ADAMTS17: variants seen among roughly 807,000 people sequenced by gnomAD.
The protein encoded by ADAMTS17 is ADAM metallopeptidase with thrombospondin type 1 motif 17.
ADAMTS17 carries 113 observed loss-of-function variants against 141.5 expected under a neutral mutation model. That is an observed-to-expected ratio of 0.80 (90% CI 0.69 to 0.93). The LOEUF (loss-of-function observed/expected upper bound fraction) is 0.93, where lower values mean the gene tolerates loss of function less well. Ranked by LOEUF, ADAMTS17 falls within the 40% of genes least tolerant of loss-of-function variation. ADAMTS17 has a pLI of 0.00. For missense variants in ADAMTS17, 1,659 were observed against 1,517.9 expected, an observed-to-expected ratio of 1.09 and a Z score of -1.54; for synonymous variants, 768 against 630.6, an observed-to-expected ratio of 1.22 and a Z score of -3.27.
At chr15:100,077,516 T>G (rs1163722899) in intron 15 of ADAMTS17, among the ~76,000 whole-genome samples, 1 of 149,164 alleles carries the variant, frequency 6.7e-6, no homozygotes, top group African/African-American at 2.5e-5. Context: ...AGGAGCAAAA[T>G]CCACAAGATC....
chr15:99,977,246 G>T (rs1013141142), intron 20 of ADAMTS17, among the ~76,000 whole-genome samples: 1 of 149,972 alleles, frequency 6.7e-6, no homozygotes, highest in Non-Finnish European at 1.5e-5. Flanking sequence ...AGGAGGTGCC[G>T]TGTTTGCTAA....
chr15:100,180,976 G>A (rs1418547703), intron 8 of ADAMTS17, among the ~76,000 whole-genome samples: 3 of 152,196 alleles, frequency 2.0e-5, no homozygotes, highest in Non-Finnish European at 4.4e-5. Context: ...CAAAACCTTA[G>A]AAATCTACCT....
chr15:100,311,668 T>G (rs1016657239), intron 3 of ADAMTS17, among the ~76,000 whole-genome samples: 1 of 152,154 alleles, frequency 6.6e-6, no homozygotes. Flanking sequence ...CAGACACATA[T>G]GCGCACACAC....
intron 10 of ADAMTS17, among the ~76,000 whole-genome samples, chr15:100,141,834 T>C (rs1219830552): frequency 6.6e-6 from 1 of 152,218 alleles, no homozygotes; most frequent in Non-Finnish European, 1.5e-5. Flanking sequence ...CCAACGGCTC[T>C]GAGAGGCTGC....
chr15:100,004,517 C>A (rs2060997412), intron 18 of ADAMTS17, among the ~76,000 whole-genome samples: 1 of 152,018 alleles, frequency 6.6e-6, no homozygotes, highest in African/African-American at 2.4e-5. Context: ...CATTGTAAGC[C>A]CTATTTTTTT....
In ADAMTS17 at chr15:99,997,420, A is replaced by G; in HGVS notation, c.2761T>C (p.Cys921Arg). Reference protein sequence around the residue: ...AAVQSCEGQDCLSIWEASEWS... With the variant: ...AAVQSCEGQDRLSIWEASEWS... The stretch of plus-strand genomic sequence containing the variant: ...TCAGACGCCTCCCAGATGGACAGGC[A>G]GTCCTGGCCTTCACAGCTCTGCACT... The change falls in exon 19 of 22, where the codon TGC (cysteine) becomes CGC (arginine). Residue 921 changes from cysteine (C) to arginine (R), a missense_variant. Transcript: ENST00000268070. This position sits in a 1 kb window ranked among gnomAD's most constrained non-coding sequence, Gnocchi z 4.7. 1 of 1,613,770 alleles carries G rather than the reference A, an allele frequency of 6.2e-7. No homozygotes were observed. Among genetic ancestry groups the G allele is most frequent in the Non-Finnish European group, 8.5e-7 (1 of 1,179,996 alleles).
At chr15:100,291,508 T>C (rs962972715) in intron 3 of ADAMTS17, among the ~76,000 whole-genome samples, 5 of 152,164 alleles carry the variant, frequency 3.3e-5, no homozygotes, top group Non-Finnish European at 5.9e-5. Context: ...CCCAAAGGAA[T>C]ATAAATCATT....
chr15:100,255,356 T>G (rs1038523932), intron 6 of ADAMTS17, among the ~76,000 whole-genome samples: 3 of 152,062 alleles, frequency 2.0e-5, no homozygotes, highest in Non-Finnish European at 2.9e-5. Flanking sequence ...ACGCTTGAGA[T>G]CCACACTTTT....
At position 99,974,273 on chromosome 15, in the gene ADAMTS17, A is replaced by T; in HGVS notation, c.*129T>A. ...AGCACTAATGGCAAACGCCAAGTCCACGCTCATGTTCTATGTAGTTGGATT... is the reference window on the plus strand; with the variant it reads ...AGCACTAATGGCAAACGCCAAGTCCTCGCTCATGTTCTATGTAGTTGGATT... On this transcript the variant is annotated 3_prime_UTR_variant, in exon 22 of 22. Coordinates refer to ENST00000268070, the MANE Select transcript of ADAMTS17 (RefSeq NM_139057.4). 1 of 1,229,690 alleles carries T rather than the reference A, an allele frequency of 8.1e-7. No individual in the cohort carries two copies. Among genetic ancestry groups the T allele is most frequent in the Middle Eastern group, 2.6e-4 (1 of 3,814 alleles). 76.2% of individuals were successfully genotyped at this position (1,229,690 alleles called of 1,614,324 possible).
chr15:100,338,595 AT>A (rs2046274537), intron 2 of ADAMTS17, among the ~76,000 whole-genome samples: 1 of 150,868 alleles, frequency 6.6e-6, no homozygotes, highest in East Asian at 2.0e-4. Context: ...AGCCTAAACT[AT>A]TTATTTTCTG....
rs1200827430 is a variant in ADAMTS17, at chr15:100,155,332, G to A, written c.1182-12C>T. The A allele has an allele frequency of 6.2e-7, 1 of 1,611,942 alleles. No individual in the cohort carries two copies. Among genetic ancestry groups the A allele is most frequent in the African/African-American group, 1.3e-5 (1 of 74,916 alleles). ...GGTTCATGCCCAAGCTGTCCAAGAA[G>A]GAGGAGAGAGGGATGCTTATGCTAC... On this transcript the variant is annotated splice_polypyrimidine_tract_variant and intron_variant, in intron 8 of 21. Coordinates refer to ENST00000268070, the MANE Select transcript of ADAMTS17 (RefSeq NM_139057.4).
At chr15:100,002,058 G>T (rs990134775) in intron 18 of ADAMTS17, among the ~76,000 whole-genome samples, 4 of 134,756 alleles carry the variant, frequency 3.0e-5, no homozygotes, top group Non-Finnish European at 6.3e-5. Flanking sequence ...TTCTAAAATA[G>T]AGACTCTGAC....
At chr15:100,069,037 G>T (rs572425154) in intron 15 of ADAMTS17, among the ~76,000 whole-genome samples, 1 of 152,306 alleles carries the variant, frequency 6.6e-6, no homozygotes. Context: ...CCAATGCAGA[G>T]AAGTCCTTAA....
Position 100,067,561 on chromosome 15 carries a change from A to T in ADAMTS17, c.2138-13507T>A, listed in dbSNP as rs558796479. 2.6e-5 allele frequency among the ~76,000 whole-genome samples: 4 copies of T among 151,040 alleles called. No individual in the cohort carries two copies. The East Asian group carries it at 7.7e-4, about 29-fold the overall frequency. On this transcript the variant is annotated intron_variant, in intron 15 of 21. Transcript: ENST00000268070. ...GGACACAAAGCTATATTATTAGTAC[A>T]CATTTTTTTTTTCTGATCTATTTGG...
intron 15 of ADAMTS17, among the ~76,000 whole-genome samples, chr15:100,084,587 A>G (rs771893752): frequency 2.6e-5 from 4 of 151,934 alleles, no homozygotes; most frequent in Non-Finnish European, 4.4e-5. Flanking sequence ...AATGGGAGGC[A>G]CCCCCCTGTA....
chr15:100,203,366 A>G (rs1262710181), intron 7 of ADAMTS17, among the ~76,000 whole-genome samples: 1 of 152,118 alleles, frequency 6.6e-6, no homozygotes, highest in Non-Finnish European at 1.5e-5. Context: ...TGAGGTCAGG[A>G]GTTCAAGACC....
intron 7 of ADAMTS17, among the ~76,000 whole-genome samples, chr15:100,207,730 A>G (rs2041632151): frequency 6.6e-6 from 1 of 152,204 alleles, no homozygotes; most frequent in African/African-American, 2.4e-5. Context: ...GAGAAGTGCC[A>G]TCCCTCAGTC....
At chr15:100,019,767 T>C (rs2727107) in intron 18 of ADAMTS17, among the ~76,000 whole-genome samples, 117,911 of 152,188 alleles carry the variant, frequency 0.77, 46,354 homozygotes, top group African/African-American at 0.89. Context: ...CTGTGGCCTC[T>C]AGTCTAGGAC....
In ADAMTS17 at chr15:100,278,750, C is replaced by T. The variant is rs577728541; in HGVS notation, c.789+2479G>A. Among the ~76,000 whole-genome samples the T allele has an allele frequency of 5.9e-5, 9 of 152,302 alleles. No individual in the cohort carries two copies. The South Asian group carries it at 1.9e-3, about 32-fold the overall frequency. On this transcript the variant is annotated intron_variant, in intron 4 of 21. Coordinates refer to ENST00000268070, the MANE Select transcript of ADAMTS17 (RefSeq NM_139057.4). Reference sequence around the variant, plus strand: ...TTTGTCCTCCTAACAAGCAGGATTGCCGTGGGGTTCCCCACACCCAGTGGG... The same window carrying T: ...TTTGTCCTCCTAACAAGCAGGATTGTCGTGGGGTTCCCCACACCCAGTGGG...
Sources: gnomAD v4.1 joint callset for allele counts (sites outside exome capture counted in the v4.1 genomes callset) on GRCh38, gnomAD v4.1.1 for gene constraint, Gnocchi (gnomAD v3.1) non-coding constraint, MANE v1.5 for transcripts, NCBI Gene and HGNC (gene_info 2026-07-23, HGNC 2026-07-21) for gene names.